Variants in DNAH5 observed in about 807,000 individuals in gnomAD.
DNAH5 encodes the protein axonemal beta dynein heavy chain 5.
A neutral mutation model predicts 518.2 loss-of-function variants in DNAH5; 372 were observed. The ratio of observed to expected loss-of-function variants is 0.72; its 90% CI spans 0.66 to 0.78. The LOEUF is 0.78. Among genes scored for constraint, DNAH5 ranks in the 30% least tolerant of loss-of-function variants. The probability of loss-of-function intolerance (pLI) is 0.00; values close to 1 mark genes in which losing one functional copy is unlikely to be tolerated. For synonymous variants in DNAH5, 2,039 were observed against 2,025.9 expected, an observed-to-expected ratio of 1.01 and a Z score of -0.17; for missense variants, 5,523 against 5,687.0, an observed-to-expected ratio of 0.97 and a Z score of 0.93.
intron 15 of DNAH5, chr5:13,899,995 A>G: frequency 1.7e-6 from 1 of 577,374 alleles, no homozygotes; most frequent in Non-Finnish European, 3.1e-6. Flanking sequence ...GGTACACTCA[A>G]AATAAAACCC....
intron 53 of DNAH5, 48 bp downstream of exon 53, chr5:13,780,781 C>A (rs372232766): frequency 6.2e-7 from 1 of 1,609,584 alleles, no homozygotes. Context: ...CCTCTGAGCA[C>A]CTTTTATCAA....
chr5:13,985,292 G>C (rs1258900429), intron 1 of DNAH5, among the ~76,000 whole-genome samples: 2 of 129,382 alleles, frequency 1.5e-5, no homozygotes, highest in African/African-American at 2.8e-5. Flanking sequence ...GTGGGGGGAG[G>C]GGGGAGTGAT....
chr5:14,000,250 G>A (rs976828619), intron 1 of DNAH5, among the ~76,000 whole-genome samples: 2 of 152,178 alleles, frequency 1.3e-5, no homozygotes, highest in Non-Finnish European at 2.9e-5. Context: ...ACACGGGGAG[G>A]ACACAGCCGT....
At position 13,810,040 on chromosome 5, in the gene DNAH5, G is replaced by A. The variant is rs35732567; in HGVS notation, c.7609+19C>T. On this transcript the variant is annotated intron_variant, in intron 45 of 78. Transcript: ENST00000265104. Reference sequence around the variant, plus strand: ...GAACGGCCCCCATGGGTTCCGTCTGGACGGGCAGGTGTCCTCACCATCGGG... The same window carrying A: ...GAACGGCCCCCATGGGTTCCGTCTGAACGGGCAGGTGTCCTCACCATCGGG... 599,991 of 1,549,262 alleles carry A rather than the reference G, an allele frequency of 0.39. 117,563 individuals are homozygous for A. Among genetic ancestry groups the A allele is most frequent in the East Asian group, 0.58 (23,768 of 41,018 alleles).
intron 1 of DNAH5, among the ~76,000 whole-genome samples, chr5:14,001,248 A>G (rs1784331016): frequency 6.6e-6 from 1 of 152,208 alleles, no homozygotes; most frequent in Non-Finnish European, 1.5e-5. Flanking sequence ...GTATCACACA[A>G]TATACCTCTG....
intron 38 of DNAH5, among the ~76,000 whole-genome samples, chr5:13,827,306 C>T (rs1021971229): frequency 3.3e-5 from 5 of 151,830 alleles, no homozygotes; most frequent in Non-Finnish European, 7.4e-5. Context: ...ATGTTAATCA[C>T]CAAGACAATG....
At chr5:13,999,020 C>T (rs191630344) in intron 1 of DNAH5, among the ~76,000 whole-genome samples, 189 of 152,194 alleles carry the variant, frequency 1.2e-3, no homozygotes, top group African/African-American at 3.8e-3. Context: ...TACAGGCATG[C>T]GCCACCATGC....
chr5:13,916,392 G>T lies in DNAH5; in HGVS notation c.1153C>A (p.His385Asn). The T allele has an allele frequency of 6.5e-7, 1 of 1,542,504 alleles. No homozygotes were observed. The highest frequency in any genetic ancestry group is 1.1e-5 in the South Asian group (1 of 89,554). ...NAIKMIYSISHYYNTSEKITS... is the reference protein window; with the variant it reads ...NAIKMIYSISNYYNTSEKITS... Reference sequence around the variant, plus strand: ...ATCTTCTCAGAGGTATTATAGTAATGAGAGATACTATAGATCATTTTAATT... The same window carrying T: ...ATCTTCTCAGAGGTATTATAGTAATTAGAGATACTATAGATCATTTTAATT... The change falls in exon 9 of 79, where the codon CAT (histidine) becomes AAT (asparagine). Residue 385 changes from histidine (H) to asparagine (N), a missense_variant. Around this residue, in one of 3 missense-constraint regions of DNAH5, gnomAD observed 5,121 missense variants for 5,223.3 expected, o/e 0.98. Coordinates refer to ENST00000265104, the MANE Select transcript of DNAH5 (RefSeq NM_001369.3).
chr5:13,887,365 A>T (rs1400486909), intron 17 of DNAH5, among the ~76,000 whole-genome samples: 1 of 152,256 alleles, frequency 6.6e-6, no homozygotes, highest in Non-Finnish European at 1.5e-5. Context: ...TGTAAATAGC[A>T]TAGAAATTAA....
chr5:14,005,751 A>G (rs1216730493), intron 1 of DNAH5, among the ~76,000 whole-genome samples: 1 of 152,232 alleles, frequency 6.6e-6, no homozygotes, highest in Non-Finnish European at 1.5e-5. Context: ...TTTGTTTCTT[A>G]AAGGAGGAAA....
intron 78 of DNAH5, among the ~76,000 whole-genome samples, chr5:13,700,372 C>T (rs961839998): frequency 6.6e-6 from 1 of 152,182 alleles, no homozygotes; most frequent in Admixed American, 6.5e-5. Flanking sequence ...TCTTTCTTAT[C>T]TCATCAGCTA....
intron 50 of DNAH5, among the ~76,000 whole-genome samples, chr5:13,791,120 G>A (rs575630980): frequency 3.3e-5 from 5 of 151,918 alleles, no homozygotes; most frequent in African/African-American, 4.8e-5. Context: ...AAAAAGAATC[G>A]GCAAGTTTGG....
chr5:13,730,629 T>C (rs887778117), intron 68 of DNAH5, among the ~76,000 whole-genome samples: 9 of 151,360 alleles, frequency 5.9e-5, no homozygotes, highest in Non-Finnish European at 1.3e-4. Flanking sequence ...GAAGACGAGG[T>C]TTCACCGTGT....
At chr5:13,948,102 T>G (rs1780072777), upstream of DNAH5, among the ~76,000 whole-genome samples, 1 of 152,122 alleles carries the variant, frequency 6.6e-6, no homozygotes, top group Non-Finnish European at 1.5e-5. Context: ...AAGCTCCATG[T>G]GAGGAAGAAA....
chr5:13,786,481 T>C, intron 51 of DNAH5, 130 bp from the exon 52 acceptor site: 3 of 966,564 alleles, frequency 3.1e-6, no homozygotes, highest in Non-Finnish European at 4.7e-6. Flanking sequence ...TGCCATAGTG[T>C]GTATTTTGCA....
At position 13,901,494 on chromosome 5, in the gene DNAH5, A is replaced by T. The variant is rs769275003; in HGVS notation, c.1810T>A (p.Ser604Thr). ...ENYGADIDMI[S>T]KLYTKQKYDP... ...TATTTCTGCTTTGTATACAGCTTTG[A>T]AATCATATCAATGTCAGCCCCATAG... The change falls in exon 14 of 79, where the codon TCA becomes ACA. Residue 604 changes from serine to threonine, a missense_variant. Around this residue, in one of 3 missense-constraint regions of DNAH5, gnomAD observed 5,121 missense variants for 5,223.3 expected, o/e 0.98. Coordinates refer to ENST00000265104, the MANE Select transcript of DNAH5 (RefSeq NM_001369.3). 1 of 1,613,798 alleles carries T rather than the reference A, an allele frequency of 6.2e-7. No homozygotes were observed. The highest frequency in any genetic ancestry group is 8.5e-7 in the Non-Finnish European group (1 of 1,179,992).
intron 47 of DNAH5, among the ~76,000 whole-genome samples, chr5:13,797,156 C>T (rs374120420): frequency 6.6e-6 from 1 of 152,152 alleles, no homozygotes; most frequent in African/African-American, 2.4e-5. Context: ...GACTTCATGA[C>T]TAAAACACCA....
chr5:13,942,646 C>T (rs547801385), intron 1 of DNAH5, among the ~76,000 whole-genome samples: 5 of 152,170 alleles, frequency 3.3e-5, no homozygotes, highest in Non-Finnish European at 7.3e-5. Context: ...CCATCCCCCA[C>T]GTGCTGTCTC....
chr5:14,009,736 C>T (rs915650813), intron 1 of DNAH5, among the ~76,000 whole-genome samples: 1 of 152,150 alleles, frequency 6.6e-6, no homozygotes, highest in African/African-American at 2.4e-5. Flanking sequence ...CACCATACTT[C>T]CAGCTTAAGT....
Sources: gnomAD v4.1 joint callset for allele counts (sites outside exome capture counted in the v4.1 genomes callset) on GRCh38, gnomAD v4.1.1 for gene constraint, gnomAD v4.1.1 regional missense constraint, MANE v1.5 for transcripts, NCBI Gene and HGNC (gene_info 2026-07-23, HGNC 2026-07-21) for gene names.